ANKAR: variants seen among roughly 807,000 people sequenced by gnomAD.
ANKAR encodes the protein ankyrin and armadillo repeat-containing protein.
A neutral mutation model predicts 146.2 loss-of-function variants in ANKAR; 136 were observed. The observed-to-expected ratio is 0.93, with a 90% CI of 0.81 to 1.07. ANKAR has a LOEUF of 1.07. Among genes scored for constraint, ANKAR ranks in the 50% least tolerant of loss-of-function variants. The pLI is 0.00. For missense variants in ANKAR, 1,567 were observed against 1,679.9 expected (o/e 0.93, Z 1.18); for synonymous variants, 500 against 575.8 (o/e 0.87, Z 1.88).
chr2:189,728,264 T>C lies in ANKAR; in HGVS notation c.2878-3T>C. On this transcript the variant is annotated splice_region_variant and splice_polypyrimidine_tract_variant and intron_variant, in intron 13 of 22. Transcript: ENST00000684021. Reference sequence around the variant, plus strand: ...TGAATTAATGAAATATTTTTAAAAATAGGCATTTCAAATAGATGTTAAGGA... The same window carrying C: ...TGAATTAATGAAATATTTTTAAAAACAGGCATTTCAAATAGATGTTAAGGA... 1.3e-6 allele frequency: 2 copies of C among 1,585,762 alleles called. No individual in the cohort carries two copies. Among genetic ancestry groups the C allele is most frequent in the Non-Finnish European group, 1.7e-6 (2 of 1,171,790 alleles).
chr2:189,753,982 T>C lies in ANKAR; in HGVS notation c.*585-7116T>C, dbSNP rs550461835. 3.7e-6 allele frequency: 6 copies of C among 1,613,852 alleles called. No homozygotes were observed. In the South Asian group the frequency reaches 5.5e-5, roughly 15 times the overall value. ...AAAACAGAATAGCCCGATGTGTTCT[T>C]TTCACAAGATGACATGCCATTGTGT... On this transcript the variant is annotated intron_variant and NMD_transcript_variant, in intron 18 of 18. Transcript: ENST00000441800.
intron 3 of ANKAR, among the ~76,000 whole-genome samples, chr2:189,691,459 T>A (rs906084371): frequency 6.6e-6 from 1 of 152,124 alleles, no homozygotes; most frequent in Non-Finnish European, 1.5e-5. Flanking sequence ...TGCTTCTTTA[T>A]AATGTCTCCT....
intron 12 of ANKAR, among the ~76,000 whole-genome samples, chr2:189,722,879 TAA>T (rs757432393): frequency 5.6e-5 from 7 of 125,718 alleles, no homozygotes; most frequent in Admixed American, 8.4e-5. Flanking sequence ...AGACACTGTC[TAA>T]AAAAAAAAAA....
chr2:189,743,308 T>C lies in ANKAR; in HGVS notation c.3844T>C (p.Leu1282=), dbSNP rs1438953262. The change falls in exon 21 of 23, where the codon TTA becomes CTA. Residue 1282 remains leucine, a synonymous_variant. Transcript: ENST00000684021. The part of the protein sequence containing the change: ...RAACSSALGY[L]TYNANAFRIL... Reference sequence around the variant, plus strand: ...AGCTTGTTCCTCTGCTCTTGGCTACTTAACATACAATGCAAATGCTTTCCG... The same window carrying C: ...AGCTTGTTCCTCTGCTCTTGGCTACCTAACATACAATGCAAATGCTTTCCG... 1.2e-6 allele frequency: 2 copies of C among 1,614,068 alleles called. No individual in the cohort carries two copies. Among genetic ancestry groups the C allele is most frequent in the Non-Finnish European group, 1.7e-6 (2 of 1,179,988 alleles).
chr2:189,758,285 G>C (rs983725849), intron 18 of ANKAR, among the ~76,000 whole-genome samples: 2 of 147,300 alleles, frequency 1.4e-5, no homozygotes, highest in African/African-American at 5.4e-5. Flanking sequence ...GAAGGCTGAG[G>C]GGGGAGAATC....
In ANKAR at chr2:189,727,983, T is replaced by C; in HGVS notation, c.2763T>C (p.Ile921=). The C allele has an allele frequency of 6.2e-7, 1 of 1,614,070 alleles. No individual in the cohort carries two copies. Among genetic ancestry groups the C allele is most frequent in the Non-Finnish European group, 8.5e-7 (1 of 1,179,978 alleles). The change falls in exon 13 of 23, where the codon ATT becomes ATC. Residue 921 remains isoleucine, a synonymous_variant. Coordinates refer to ENST00000684021, the MANE Select transcript of ANKAR (RefSeq NM_001378068.1). The part of the protein sequence containing the change: ...PLVALFKGKQ[I]SVQMKGAMAV... ...TGGCTCTTTTTAAAGGGAAACAAAT[T>C]AGTGTCCAAATGAAAGGTGCAATGG...
At chr2:189,704,234 C>T (rs1323746991) in intron 7 of ANKAR, among the ~76,000 whole-genome samples, 1 of 151,612 alleles carries the variant, frequency 6.6e-6, no homozygotes, top group African/African-American at 2.4e-5. Context: ...CTCCGCCTCC[C>T]AGGCTCAAGC....
chr2:189,727,856 A>T lies in ANKAR; in HGVS notation c.2636A>T (p.Asp879Val), dbSNP rs373774858. Residue 879 changes from aspartate (D) to valine (V), a missense_variant and splice_region_variant, in exon 13 of 23, where the codon GAT becomes GTT. Physicochemically the swap from Asp to Val is radical, Grantham distance 152. Transcript: ENST00000684021. ...AACTTGTTCTTAAATTCATTTGAAG[A>T]TGTGTTGAAGGCTGTATCTTCTGCT... ...YLIRFLSSDS[D>V]VLKAVSSAAI... is the part of the protein sequence containing the mutation. The T allele has an allele frequency of 1.2e-6, 2 of 1,611,184 alleles. No homozygotes were observed. The highest frequency in any genetic ancestry group is 1.7e-5 in the Admixed American group (1 of 59,804).
At chr2:189,716,694 A>G (rs1357738475) in intron 10 of ANKAR, among the ~76,000 whole-genome samples, 2 of 152,238 alleles carry the variant, frequency 1.3e-5, no homozygotes, top group East Asian at 1.9e-4. Flanking sequence ...AAACTATACT[A>G]CAAAGCTACA....
At chr2:189,676,162 AACAGTAGCTTCTC>A in intron 1 of ANKAR, 1 of 247,462 alleles carries the variant, frequency 4.0e-6, no homozygotes, top group Non-Finnish European at 7.8e-6. Flanking sequence ...ATAGGTATGT[AACAGTAGCTTCTC>A]ACAGATAAAC....
At chr2:189,729,715 T>TGTGTGTGTGTGTGTGTGTGTGGGGGGGG (rs61101787) in intron 15 of ANKAR, among the ~76,000 whole-genome samples, 5 of 141,398 alleles carry the variant, frequency 3.5e-5, no homozygotes, top group African/African-American at 1.0e-4. Flanking sequence ...TGTGTGTGTG[T>TGTGTGTGTGTGTGTGTGTGTGGGGGGGG]GGTGCGGGTG....
At chr2:189,742,800 A>G (rs1251593607) in intron 20 of ANKAR, among the ~76,000 whole-genome samples, 1 of 151,146 alleles carries the variant, frequency 6.6e-6, no homozygotes, top group Non-Finnish European at 1.5e-5. Flanking sequence ...TTCAAACTCA[A>G]GTTCTTTCTT....
Position 189,741,438 on chromosome 2 carries a change from C to T in ANKAR, c.3797C>T (p.Ser1266Leu), listed in dbSNP as rs764681188. ...CAACGGCTCTGCTATCATTTGTACT[C>T]GGGAATAGAAGAGGTAAAAACAAGC... is the stretch of plus-strand genomic sequence containing the variant. ...TIQRLCYHLY[S>L]GIEEVRAACS... Residue 1266 changes from serine to leucine, a missense_variant, in exon 20 of 23, where the codon TCG becomes TTG. By Grantham distance (145) the Ser-to-Leu change is moderately radical. Transcript: ENST00000684021. The T allele has an allele frequency of 1.6e-5, 25 of 1,602,766 alleles. No individual in the cohort carries two copies. The highest frequency in any genetic ancestry group is 3.4e-5 in the South Asian group (3 of 88,816).
At chr2:189,731,057 A>G (rs1481351116) in intron 16 of ANKAR, among the ~76,000 whole-genome samples, 3 of 152,346 alleles carry the variant, frequency 2.0e-5, no homozygotes, top group Middle Eastern at 3.4e-3. Context: ...CCTTCTGTCA[A>G]GCAGCCTCTG....
chr2:189,740,850 C>G (rs895844283), intron 19 of ANKAR, among the ~76,000 whole-genome samples: 1 of 152,020 alleles, frequency 6.6e-6, no homozygotes, highest in African/African-American at 2.4e-5. Flanking sequence ...TGTACCACCA[C>G]GCCCGGCTAA....
At chr2:189,724,927 AAAG>A (rs1335164842) in intron 12 of ANKAR, among the ~76,000 whole-genome samples, 2 of 152,210 alleles carry the variant, frequency 1.3e-5, no homozygotes, top group Non-Finnish European at 2.9e-5. Flanking sequence ...TTTAAAAAGA[AAAG>A]AAAAAATGAA....
intron 10 of ANKAR, among the ~76,000 whole-genome samples, chr2:189,716,144 A>C (rs1387968360): frequency 3.3e-5 from 5 of 152,218 alleles, no homozygotes; most frequent in African/African-American, 1.2e-4. Context: ...AGAGGAAGTC[A>C]AATTGTCCCT....
rs577979918 is a variant in ANKAR at position 189,753,411 on chromosome 2, T to C, written c.*585-7687T>C. The stretch of plus-strand genomic sequence containing the variant: ...ATTTTTAAATGAATAAAGTTTAAGA[T>C]ACAGTTAAACAGGATGTTTGTCAAG... On this transcript the variant is annotated intron_variant and NMD_transcript_variant, in intron 18 of 18. Transcript: ENST00000441800. 5.3e-5 allele frequency among the ~76,000 whole-genome samples: 8 copies of C among 152,306 alleles called. No homozygotes were observed. The East Asian group carries it at 1.3e-3, about 26-fold the overall frequency.
chr2:189,761,997 A>G (rs1443303146), downstream of ANKAR, among the ~76,000 whole-genome samples: 1 of 152,222 alleles, frequency 6.6e-6, no homozygotes, highest in Non-Finnish European at 1.5e-5. Context: ...AATTAAGACA[A>G]AATGTGGATT....
Sources: gnomAD v4.1 joint callset for allele counts (sites outside exome capture counted in the v4.1 genomes callset) on GRCh38, gnomAD v4.1.1 for gene constraint, MANE v1.5 for transcripts, NCBI Gene and HGNC (gene_info 2026-07-23, HGNC 2026-07-21) for gene names.